GFAP: variants seen among roughly 807,000 people sequenced by gnomAD.
GFAP encodes the protein glial fibrillary acidic protein.
Under a neutral mutation model 49.3 loss-of-function variants are expected in GFAP, and 38 were observed. The ratio of observed to expected loss-of-function variants is 0.77; its 90% CI spans 0.60 to 1.01. The LOEUF (loss-of-function observed/expected upper bound fraction) is 1.01. Ranked by LOEUF, GFAP falls within the 50% of genes least tolerant of loss-of-function variation. The pLI is 0.00. For synonymous variants in GFAP, 222 were observed against 236.4 expected (o/e 0.94, Z 0.56); for missense variants, 463 against 579.1 (o/e 0.80, Z 2.06).
intron 8 of GFAP, 94 bp from the exon 9 acceptor site, chr17:44,907,482 C>G: frequency 2.3e-6 from 2 of 859,612 alleles, no homozygotes; most frequent in Non-Finnish European, 2.0e-6. Flanking sequence ...TTGGGAAGTC[C>G]CCGACTTCCC....
chr17:44,914,879 TGG>T, intron 1 of GFAP, 145 bp downstream of exon 1: 1 of 689,134 alleles, frequency 1.5e-6, no homozygotes, highest in Non-Finnish European at 2.5e-6. Context: ...CCCATCATGT[TGG>T]GGGGCAAGGA....
At position 44,904,567 on chromosome 17, in the gene GFAP, A is replaced by G; in HGVS notation, c.*2780T>C. 2 of 1,550,568 alleles carry G rather than the reference A, an allele frequency of 1.3e-6. No individual in the cohort carries two copies. The highest frequency in any genetic ancestry group is 1.7e-6 in the Non-Finnish European group (2 of 1,146,988). ...GCTGCTTAGTACCCTGTGAGAAGAC[A>G]AAGACCATCCGGGAGGGCGTGCTGG... On this transcript the variant is annotated 3_prime_UTR_variant, in exon 9 of 9. Coordinates refer to ENST00000588735, the MANE Select transcript of GFAP (RefSeq NM_002055.5).
At chr17:44,907,545 G>A (rs187041289) in intron 8 of GFAP, 157 bp from the exon 9 acceptor site, 4 of 699,952 alleles carry the variant, frequency 5.7e-6, no homozygotes, top group South Asian at 3.0e-5. Flanking sequence ...GTGGACAGAG[G>A]GGGTGGTGAG....
chr17:44,908,298 G>A (rs1281361366), intron 7 of GFAP, 149 bp from the exon 8 acceptor site: 8 of 537,160 alleles, frequency 1.5e-5, no homozygotes, highest in East Asian at 3.0e-5. Flanking sequence ...TCTTCCAAAC[G>A]GGCTGGAGAG....
chr17:44,904,321 G>A lies in GFAP; in HGVS notation c.*3026C>T. 1 of 1,544,130 alleles carries A rather than the reference G, an allele frequency of 6.5e-7. No homozygotes were observed. The highest frequency in any genetic ancestry group is 1.2e-5 in the South Asian group (1 of 83,228). On this transcript the variant is annotated 3_prime_UTR_variant, in exon 9 of 9. Coordinates refer to ENST00000588735, the MANE Select transcript of GFAP (RefSeq NM_002055.5). Reference sequence around the variant, plus strand: ...AGCCCTTTGCAGATGAATACTATGGGCACCTCCATGTCTTCACCACCTTCT... The same window carrying A: ...AGCCCTTTGCAGATGAATACTATGGACACCTCCATGTCTTCACCACCTTCT...
chr17:44,905,472 G>T lies in GFAP; in HGVS notation c.*1875C>A. The T allele has an allele frequency of 4.9e-6, 1 of 203,418 alleles. No homozygotes were observed. Among genetic ancestry groups the T allele is most frequent in the South Asian group, 9.9e-5 (1 of 10,098 alleles). The allele number at this position is 203,418 out of a possible 1,614,324, so 12.6% of individuals were successfully genotyped here. A position where few individuals can be genotyped will look rare whatever the true frequency, so the allele number is the denominator to read the frequency against. On this transcript the variant is annotated 3_prime_UTR_variant, in exon 9 of 9. Transcript: ENST00000588735. ...CAGGGAGAGGAAGGAAGAAAAGAGT[G>T]GAGGGAGCTGGTGTATGTCCTCTTT...
chr17:44,913,516 G>T, intron 3 of GFAP, 86 bp from the exon 4 acceptor site: 1 of 1,429,874 alleles, frequency 7.0e-7, no homozygotes, highest in Non-Finnish European at 9.8e-7. Context: ...TCTTCTGCCT[G>T]CCCCTCGGCC....
At chr17:44,914,114 G>A in intron 1 of GFAP, 26 bp from the exon 2 acceptor site, 1 of 1,530,690 alleles carries the variant, frequency 6.5e-7, no homozygotes, top group East Asian at 2.4e-5. Flanking sequence ...ACATTCCTGG[G>A]TCCAGGCTCT....
At chr17:44,913,137 C>T in intron 4 of GFAP, 132 bp downstream of exon 4, 1 of 894,986 alleles carries the variant, frequency 1.1e-6, no homozygotes, top group Non-Finnish European at 1.9e-6. Context: ...CAAGCCATCT[C>T]ACTTCTCTGG....
At position 44,905,235 on chromosome 17, in the gene GFAP, T is replaced by A. The variant is rs2051637088; in HGVS notation, c.*2112A>T. 4.8e-6 allele frequency: 3 copies of A among 630,140 alleles called. No individual in the cohort carries two copies. The highest frequency in any genetic ancestry group is 3.1e-5 in the Admixed American group (1 of 32,550). The allele number at this position is 630,140 out of a possible 1,614,324, so 39.0% of individuals were successfully genotyped here. A position where few individuals can be genotyped will look rare whatever the true frequency, so the allele number is the denominator to read the frequency against. On this transcript the variant is annotated 3_prime_UTR_variant, in exon 9 of 9. Transcript: ENST00000588735. ...TCATGGGCAGGTCTGGGACCTGATC[T>A]GAGAAGTGGAGGGGCCTGAGGCTGG...
At position 44,910,096 on chromosome 17, in the gene GFAP, T is replaced by C. The variant is rs755522773; in HGVS notation, c.1171+519A>G. 21 of 1,613,692 alleles carry C rather than the reference T, an allele frequency of 1.3e-5. No homozygotes were observed. In the South Asian group the frequency reaches 2.0e-4, roughly 15 times the overall value. On this transcript the variant is annotated intron_variant, in intron 7 of 8. Transcript: ENST00000588735. ...GATGGGGTGGGTGAGGCTCACTCCCTGTCAAGCTGGGCAAAGCGCCGTGTC... is the reference window on the plus strand; with the variant it reads ...GATGGGGTGGGTGAGGCTCACTCCCCGTCAAGCTGGGCAAAGCGCCGTGTC...
Position 44,915,130 on chromosome 17 carries a change from C to A in GFAP, c.357G>T (p.Glu119Asp). The change falls in exon 1 of 9, where the codon GAG (glutamate) becomes GAT (aspartate). Residue 119 changes from glutamate (E) to aspartate (D), a missense_variant. Glu to Asp is a conservative substitution (Grantham distance 45). Around this residue, in one of 3 missense-constraint regions of GFAP, gnomAD observed 362 missense variants for 445.5 expected, o/e 0.81. Coordinates refer to ENST00000588735, the MANE Select transcript of GFAP (RefSeq NM_002055.5). The surrounding 1 kb of genome is among the most constrained non-coding windows in gnomAD (Gnocchi z 4.1). Reference protein sequence around the residue: ...PTKLADVYQAELRELRLRLDQ... With the variant: ...PTKLADVYQADLRELRLRLDQ... ...CGAGCCGCAGCCGCAGCTCTCGCAG[C>A]TCAGCCTGGTAGACGTCTGCCAGCT... 6.2e-7 allele frequency: 1 copy of A among 1,614,120 alleles called. No individual in the cohort carries two copies. Among genetic ancestry groups the A allele is most frequent in the Non-Finnish European group, 8.5e-7 (1 of 1,180,024 alleles).
At position 44,903,687 on chromosome 17, in the gene GFAP, C is replaced by T. The variant is rs935529371; in HGVS notation, c.*3660G>A. The T allele has an allele frequency of 1.4e-6, 2 of 1,437,052 alleles. No individual in the cohort carries two copies. The highest frequency in any genetic ancestry group is 1.8e-6 in the Non-Finnish European group (2 of 1,101,356). The allele number at this position is 1,437,052 out of a possible 1,614,324, so 89.0% of individuals were successfully genotyped here. A position where few individuals can be genotyped will look rare whatever the true frequency, so the allele number is the denominator to read the frequency against. ...AAATTGCCTTGCACTTGGCGGCTTCCTCTGCAGATTGTTGCTGCTTTTCCT... is the reference window on the plus strand; with the variant it reads ...AAATTGCCTTGCACTTGGCGGCTTCTTCTGCAGATTGTTGCTGCTTTTCCT... On this transcript the variant is annotated 3_prime_UTR_variant, in exon 9 of 9. Coordinates refer to ENST00000588735, the MANE Select transcript of GFAP (RefSeq NM_002055.5).
Position 44,903,255 on chromosome 17 carries a change from T to G in GFAP, c.*4092A>C. ...AGCCCCAAACCAATGAATGGACATG[T>G]AATCAACAAATGATCAAATACTACA... On this transcript the variant is annotated 3_prime_UTR_variant, in exon 9 of 9. Coordinates refer to ENST00000588735, the MANE Select transcript of GFAP (RefSeq NM_002055.5). 2 of 1,251,582 alleles carry G rather than the reference T, an allele frequency of 1.6e-6. No individual in the cohort carries two copies. Among genetic ancestry groups the G allele is most frequent in the Non-Finnish European group, 2.0e-6 (2 of 999,164 alleles). The allele number at this position is 1,251,582 out of a possible 1,614,324, so 77.5% of individuals were successfully genotyped here.
chr17:44,910,011 T>C, intron 7 of GFAP: 1 of 1,552,610 alleles, frequency 6.4e-7, no homozygotes, highest in South Asian at 1.2e-5. Flanking sequence ...CCTGGGAAAA[T>C]GACGCAGTCC....
chr17:44,914,200 T>C, intron 1 of GFAP, 112 bp from the exon 2 acceptor site: 1 of 740,538 alleles, frequency 1.4e-6, no homozygotes. Flanking sequence ...CCAGGACCAG[T>C]AGAGCAGCAG....
In GFAP at chr17:44,905,963, C is replaced by T. The variant is rs77001784; in HGVS notation, c.*1384G>A. Reference sequence around the variant, plus strand: ...TATGAGCCAGTGTCTTCACTTTGCTCGTGCCTCAGTTTTACAATTGTAAAA... The same window carrying T: ...TATGAGCCAGTGTCTTCACTTTGCTTGTGCCTCAGTTTTACAATTGTAAAA... On this transcript the variant is annotated 3_prime_UTR_variant, in exon 9 of 9. Transcript: ENST00000588735. 2.6e-5 allele frequency: 4 copies of T among 152,396 alleles called. No individual in the cohort carries two copies. The East Asian group carries it at 5.8e-4, about 22-fold the overall frequency. 9.4% of individuals were successfully genotyped at this position (152,396 alleles called of 1,614,324 possible). A position where few individuals can be genotyped will look rare whatever the true frequency, so the allele number is the denominator to read the frequency against.
rs756735726 is a variant in GFAP at position 44,910,601 on chromosome 17, C to A, written c.1171+14G>T. ...GACTCCAGTGCCCTTCCCACGAGGCCCTGCTGTACTGACCTCGAATCTGCA... is the reference window on the plus strand; with the variant it reads ...GACTCCAGTGCCCTTCCCACGAGGCACTGCTGTACTGACCTCGAATCTGCA... On this transcript the variant is annotated intron_variant, in intron 7 of 8. Coordinates refer to ENST00000588735, the MANE Select transcript of GFAP (RefSeq NM_002055.5). 49 of 1,570,592 alleles carry A rather than the reference C, an allele frequency of 3.1e-5. No individual in the cohort carries two copies. Among genetic ancestry groups the A allele is most frequent in the Non-Finnish European group, 4.0e-5 (46 of 1,156,928 alleles).
chr17:44,914,904 A>C (rs2051870344), intron 1 of GFAP, 122 bp downstream of exon 1: 1 of 809,260 alleles, frequency 1.2e-6, no homozygotes, highest in African/African-American at 1.7e-5. Context: ...GTGCCCCATC[A>C]AGAGGTAGGG....
Sources: allele counts gnomAD v4.1 joint callset, GRCh38; gene constraint gnomAD v4.1.1; regional missense constraint gnomAD v4.1.1; non-coding constraint Gnocchi (gnomAD v3.1); transcripts MANE v1.5; gene names NCBI Gene and HGNC (gene_info 2026-07-23, HGNC 2026-07-21).